The following LIPE variants were observed in gnomAD, a reference collection of about 807,000 sequenced individuals.
LIPE encodes the protein lipase E, hormone sensitive type.
Under a neutral mutation model 88.5 loss-of-function variants are expected in LIPE, and 66 were observed. That is an observed-to-expected ratio of 0.75 (90% CI 0.61 to 0.91). LIPE has a LOEUF of 0.91. LIPE is among the 40% of genes least tolerant of loss of function. LIPE has a pLI of 0.00. For synonymous variants in LIPE, 570 were observed against 617.5 expected, an observed-to-expected ratio of 0.92 and a Z score of 1.14; for missense variants, 1,346 against 1,434.7, an observed-to-expected ratio of 0.94 and a Z score of 1.00.
intron 1 of LIPE, among the ~76,000 whole-genome samples, chr19:42,413,072 G>T (rs1299145979): frequency 6.6e-6 from 1 of 152,230 alleles, no homozygotes; most frequent in Non-Finnish European, 1.5e-5. Flanking sequence ...GGCTCAGAGA[G>T]AGAGATTCCT....
At chr19:42,419,007 C>A (rs192417374) in intron 1 of LIPE, among the ~76,000 whole-genome samples, 1 of 152,066 alleles carries the variant, frequency 6.6e-6, no homozygotes, top group Admixed American at 6.5e-5. Context: ...GGCCGGGCGC[C>A]GTGGCTCACA....
At position 42,411,351 on chromosome 19, in the gene LIPE, C is replaced by G. The variant is rs745587848; in HGVS notation, c.884-509G>C. The stretch of plus-strand genomic sequence containing the variant: ...CTAGTCACCTGTCTCCATGAATTCT[C>G]CTGGGGCCCAAGACTCCTTCTCCTA... On this transcript the variant is annotated intron_variant, in intron 1 of 9. Transcript: ENST00000244289. The G allele has an allele frequency of 6.0e-4, 586 of 984,844 alleles. 2 individuals carry two copies. The highest frequency in any genetic ancestry group is 6.9e-4 in the Non-Finnish European group (574 of 829,528). 61.0% of individuals were successfully genotyped at this position (984,844 alleles called of 1,614,324 possible). A position where few individuals can be genotyped will look rare whatever the true frequency, so the allele number is the denominator to read the frequency against.
intron 1 of LIPE, among the ~76,000 whole-genome samples, chr19:42,417,920 G>C (rs891705350): frequency 6.0e-5 from 9 of 151,202 alleles, no homozygotes; most frequent in Non-Finnish European, 1.3e-4. Flanking sequence ...TGGCAACAAA[G>C]GATTTAGACT....
At position 42,406,704 on chromosome 19, in the gene LIPE, A is replaced by C. The variant is rs973313543; in HGVS notation, c.2138-316T>G. The stretch of plus-strand genomic sequence containing the variant: ...GAGCTGAGCTCAGGCCTGTTGCAGG[A>C]GGGGGGCCTCAGAGGGCGGGAATGG... On this transcript the variant is annotated intron_variant, in intron 6 of 9. Transcript: ENST00000244289. The surrounding 1 kb of genome is among the most constrained non-coding windows in gnomAD (Gnocchi z 5.7). Among the ~76,000 whole-genome samples the C allele has an allele frequency of 6.6e-6, 1 of 151,902 alleles. No homozygotes were observed. Among genetic ancestry groups the C allele is most frequent in the Non-Finnish European group, 1.5e-5 (1 of 67,954 alleles).
rs145208021 is a variant in LIPE, at chr19:42,413,840, A to C, written c.884-2998T>G. Reference sequence around the variant, plus strand: ...CACATAGCAGGTGCTCAGTGGATATATGAAGCAGGAAGGAAGGCATGAAGA... The same window carrying C: ...CACATAGCAGGTGCTCAGTGGATATCTGAAGCAGGAAGGAAGGCATGAAGA... On this transcript the variant is annotated intron_variant, in intron 1 of 9. Coordinates refer to ENST00000244289, the MANE Select transcript of LIPE (RefSeq NM_005357.4). Among the ~76,000 whole-genome samples, 417 of 152,308 alleles carry C rather than the reference A, an allele frequency of 2.7e-3. 1 individual carries two copies. Among genetic ancestry groups the C allele is most frequent in the Admixed American group, 6.3e-3 (97 of 15,310 alleles).
Position 42,417,985 on chromosome 19 carries a change from A to AT in LIPE, c.884-7144dup, listed in dbSNP as rs34206230. On this transcript the variant is annotated intron_variant, in intron 1 of 9. Transcript: ENST00000244289. ...GCAGGCTTTGACAGGACTGACCCCC[A>AT]TTTTTTTTTTTTTTTGAGACAAGTT... is the stretch of plus-strand genomic sequence containing the variant. 5.1e-3 allele frequency among the ~76,000 whole-genome samples: 726 copies of AT among 142,766 alleles called. 1 individual carries two copies. Among genetic ancestry groups the AT allele is most frequent in the African/African-American group, 0.01 (397 of 39,322 alleles). The allele number at this position is 142,766 out of a possible 152,430, so 93.7% of individuals were successfully genotyped here. A position where few individuals can be genotyped will look rare whatever the true frequency, so the allele number is the denominator to read the frequency against.
At position 42,426,647 on chromosome 19, in the gene LIPE, T is replaced by G. The variant is rs755990735; in HGVS notation, c.503A>C (p.Glu168Ala). 1.2e-6 allele frequency: 2 copies of G among 1,614,112 alleles called. No individual in the cohort carries two copies. The highest frequency in any genetic ancestry group is 2.7e-5 in the African/African-American group (2 of 74,944). The change falls in exon 1 of 10, where the codon GAG (glutamate) becomes GCG (alanine). Residue 168 changes from glutamate to alanine, a missense_variant. Coordinates refer to ENST00000244289, the MANE Select transcript of LIPE (RefSeq NM_005357.4). Reference protein sequence around the residue: ...AAQAKPGAKREPSAPTESTSQ... With the variant: ...AAQAKPGAKRAPSAPTESTSQ... Reference sequence around the variant, plus strand: ...CGTAGATTCAGTCGGGGCAGATGGCTCCCTTTTGGCTCCAGGTTTAGCCTG... The same window carrying G: ...CGTAGATTCAGTCGGGGCAGATGGCGCCCTTTTGGCTCCAGGTTTAGCCTG...
At chr19:42,422,463 C>T (rs2040616931) in intron 1 of LIPE, among the ~76,000 whole-genome samples, 1 of 152,180 alleles carries the variant, frequency 6.6e-6, no homozygotes, top group Non-Finnish European at 1.5e-5. Flanking sequence ...GTCCGTCTGC[C>T]CTCTGAGCCT....
In LIPE at chr19:42,410,535, G is replaced by A. The variant is rs530891929; in HGVS notation, c.1191C>T (p.Asn397=). ...LLHKSRYVAS[N]RRSIFFRTSH... is the part of the protein sequence containing the mutation. ...TGGTGCGGAAGAAGATGCTGCGGCG[G>A]TTGGAGGCCACATAGCGGGATTTGT... The change falls in exon 2 of 10, where the codon AAC becomes AAT. Residue 397 remains asparagine (N), a synonymous_variant. Transcript: ENST00000244289. This position sits in a 1 kb window ranked among gnomAD's most constrained non-coding sequence, Gnocchi z 6.1. The A allele has an allele frequency of 1.2e-5, 19 of 1,612,746 alleles. No homozygotes were observed. In the South Asian group the frequency reaches 2.0e-4, roughly 17 times the overall value.
intron 1 of LIPE, among the ~76,000 whole-genome samples, chr19:42,413,273 C>T (rs1411738748): frequency 6.6e-6 from 1 of 152,256 alleles, no homozygotes; most frequent in Non-Finnish European, 1.5e-5. Flanking sequence ...GTTTGTTCAT[C>T]TCCCCCAGGA....
chr19:42,408,248 G>A lies in LIPE; in HGVS notation c.1494C>T (p.Arg498=), dbSNP rs1257570308. Residue 498 remains arginine (R), a synonymous_variant, in exon 3 of 10, where the codon CGC becomes CGT. Transcript: ENST00000244289. This position sits in a 1 kb window ranked among gnomAD's most constrained non-coding sequence, Gnocchi z 4.3. ...GGGACTCACTGAGGCCTGTCTCGTT[G>A]CGTTTGTAGTGCTCCCCGAAGGACA... The part of the protein sequence containing the change: ...GLVSFGEHYK[R]NETGLSVAAS... 6.2e-7 allele frequency: 1 copy of A among 1,614,124 alleles called. No individual in the cohort carries two copies. The highest frequency in any genetic ancestry group is 8.5e-7 in the Non-Finnish European group (1 of 1,180,010).
rs776722671 is a variant in LIPE, at chr19:42,401,914, G to A, written c.3129C>T (p.Cys1043=). ...TGAGGACGAGGCGGATGCGCTCCAC[G>A]CACAGCTCTGCGGCCTGGCGCGTCT... The part of the protein sequence containing the change: ...CRETRQAAEL[C]VERIRLVLTP... The change falls in exon 10 of 10, where the codon TGC becomes TGT. Residue 1043 remains cysteine, a synonymous_variant. Transcript: ENST00000244289. 5.9e-6 allele frequency: 9 copies of A among 1,531,066 alleles called. No homozygotes were observed. The South Asian group carries it at 7.1e-5, about 12-fold the overall frequency. The allele number at this position is 1,531,066 out of a possible 1,614,324, so 94.8% of individuals were successfully genotyped here.
intron 1 of LIPE, chr19:42,424,228 G>A: frequency 2.7e-6 from 2 of 750,226 alleles, no homozygotes; most frequent in Middle Eastern, 2.8e-4. Flanking sequence ...GTAGGAGAAC[G>A]CTCGGCGCCT....
rs948037785 is a variant in LIPE, at chr19:42,410,661, C to T, written c.1065G>A (p.Leu355=). Residue 355 remains leucine (L), a synonymous_variant, in exon 2 of 10, where the codon CTG becomes CTA. Transcript: ENST00000244289. This position sits in a 1 kb window ranked among gnomAD's most constrained non-coding sequence, Gnocchi z 6.1. ...GGTCAAAGAGGTGCGCCACACCCAG[C>T]AGGCGGCCCAGGGCCGGCTCCAGCC... is the stretch of plus-strand genomic sequence containing the variant. ...ALGLEPALGR[L]LGVAHLFDLD... is the part of the protein sequence containing the mutation. 3.1e-6 allele frequency: 5 copies of T among 1,612,070 alleles called. No individual in the cohort carries two copies. The highest frequency in any genetic ancestry group is 4.2e-6 in the Non-Finnish European group (5 of 1,178,852).
rs752615475 is a variant in LIPE, at chr19:42,407,318, G to A, written c.1993C>T (p.Pro665Ser). 2.5e-6 allele frequency: 4 copies of A among 1,612,002 alleles called. No individual in the cohort carries two copies. The highest frequency in any genetic ancestry group is 2.5e-6 in the Non-Finnish European group (3 of 1,179,262). ...FVAQTSRSHE[P>S]YLKSWAQELG... ...TCCTGGGCCCAGCTCTTGAGGTAGG[G>A]CTCGTGGGATCTGGAGGTCTGGGCC... Residue 665 changes from proline (P) to serine (S), a missense_variant, in exon 6 of 10, where the codon CCC becomes TCC. By Grantham distance (74) the Pro-to-Ser change is moderately conservative. Transcript: ENST00000244289. This position sits in a 1 kb window ranked among gnomAD's most constrained non-coding sequence, Gnocchi z 5.8.
intron 1 of LIPE, chr19:42,412,565 C>G: frequency 1.0e-6 from 1 of 986,666 alleles, no homozygotes; most frequent in Non-Finnish European, 1.2e-6. Flanking sequence ...GCTCTGCCCC[C>G]CACCTGCTCC....
In LIPE at chr19:42,402,800, T is replaced by G. The variant is rs777747687; in HGVS notation, c.2774A>C (p.Lys925Thr). 9 of 1,611,790 alleles carry G rather than the reference T, an allele frequency of 5.6e-6. No homozygotes were observed. The highest frequency in any genetic ancestry group is 5.9e-6 in the Non-Finnish European group (7 of 1,178,184). Residue 925 changes from lysine (K) to threonine (T), a missense_variant, in exon 9 of 10, where the codon AAA becomes ACA. Lys to Thr is a moderately conservative substitution (Grantham distance 78). Transcript: ENST00000244289. ...TCTGTCCATGGGGCTCAGCTCATTT[T>G]TGGCCTCAGCCTCTTCCCCTGCATC... ...PEDAGEEAEA[K>T]NELSPMDRGL... is the part of the protein sequence containing the mutation.
Position 42,414,602 on chromosome 19 carries a change from C to T in LIPE, c.884-3760G>A, listed in dbSNP as rs959444331. ...AGGAATACCTTGCTTCACTGTGCCT[C>T]GCACATACTGCATTTTTTACAAATT... is the stretch of plus-strand genomic sequence containing the variant. On this transcript the variant is annotated intron_variant, in intron 1 of 9. Coordinates refer to ENST00000244289, the MANE Select transcript of LIPE (RefSeq NM_005357.4). This position sits in a 1 kb window ranked among gnomAD's most constrained non-coding sequence, Gnocchi z 4.6. 6.6e-5 allele frequency among the ~76,000 whole-genome samples: 10 copies of T among 152,232 alleles called. No homozygotes were observed. The highest frequency in any genetic ancestry group is 3.9e-4 in the Admixed American group (6 of 15,282).
Position 42,408,256 on chromosome 19 carries a change from A to G in LIPE, c.1486T>C (p.Tyr496His). The change falls in exon 3 of 10, where the codon TAC becomes CAC. Residue 496 changes from tyrosine (Y) to histidine (H), a missense_variant. Tyr to His is a moderately conservative substitution (Grantham distance 83, BLOSUM62 2). Transcript: ENST00000244289. This position sits in a 1 kb window ranked among gnomAD's most constrained non-coding sequence, Gnocchi z 4.3. ...CTGAGGCCTGTCTCGTTGCGTTTGT[A>G]GTGCTCCCCGAAGGACACCAGCCCA... Reference protein sequence around the residue: ...SIGLVSFGEHYKRNETGLSVA... With the variant: ...SIGLVSFGEHHKRNETGLSVA... 1.2e-6 allele frequency: 2 copies of G among 1,614,036 alleles called. No homozygotes were observed. The highest frequency in any genetic ancestry group is 8.5e-7 in the Non-Finnish European group (1 of 1,179,986).
Sources: allele counts gnomAD v4.1 joint callset (sites outside exome capture counted in the v4.1 genomes callset), GRCh38; gene constraint gnomAD v4.1.1; non-coding constraint Gnocchi (gnomAD v3.1); transcripts MANE v1.5; gene names NCBI Gene and HGNC (gene_info 2026-07-23, HGNC 2026-07-21).